Variants in THSD7B observed in about 807,000 individuals in gnomAD.
THSD7B encodes thrombospondin type 1 domain containing 7B, also known as thrombospondin type-1 domain-containing protein 7B.
Under a neutral mutation model 213.6 loss-of-function variants are expected in THSD7B, and 138 were observed. The ratio of observed to expected loss-of-function variants is 0.65; its 90% CI spans 0.56 to 0.74. The LOEUF (loss-of-function observed/expected upper bound fraction) is 0.74, where lower values mean the gene tolerates loss of function less well. Among genes scored for constraint, THSD7B ranks in the 30% least tolerant of loss-of-function variants. The pLI is 0.00. For missense variants in THSD7B, 1,931 were observed against 1,991.5 expected (o/e 0.97, Z 0.58); for synonymous variants, 742 against 687.0 (o/e 1.08, Z -1.25).
chr2:137,462,974 A>G (rs1271908292), intron 15 of THSD7B, among the ~76,000 whole-genome samples: 1 of 152,146 alleles, frequency 6.6e-6, no homozygotes, highest in African/African-American at 2.4e-5. Context: ...AAGGAAAACA[A>G]GTCCATGCAT....
chr2:137,446,580 A>G (rs1687545390), intron 14 of THSD7B, among the ~76,000 whole-genome samples: 2 of 151,966 alleles, frequency 1.3e-5, no homozygotes, highest in Admixed American at 1.3e-4. Flanking sequence ...CAAAATTACA[A>G]AGTTTGGTGT....
At chr2:137,460,761 A>G (rs1687868405) in intron 15 of THSD7B, among the ~76,000 whole-genome samples, 3 of 152,122 alleles carry the variant, frequency 2.0e-5, no homozygotes, top group South Asian at 2.1e-4. Context: ...ACACAACTCT[A>G]TGATTTTTCA....
intron 10 of THSD7B, among the ~76,000 whole-genome samples, chr2:137,249,382 C>A (rs537982763): frequency 8.6e-5 from 13 of 151,846 alleles, no homozygotes; most frequent in Non-Finnish European, 1.8e-4. Flanking sequence ...CAAGGAGGAA[C>A]ACTTACATTA....
intron 17 of THSD7B, among the ~76,000 whole-genome samples, chr2:137,583,215 T>A (rs530858166): frequency 6.6e-6 from 1 of 152,282 alleles, no homozygotes; most frequent in Non-Finnish European, 1.5e-5. Flanking sequence ...TTTGTTTGAG[T>A]TCTTTGTAGA....
At chr2:137,101,448 G>T (rs938829409) in intron 4 of THSD7B, among the ~76,000 whole-genome samples, 3 of 152,162 alleles carry the variant, frequency 2.0e-5, no homozygotes, top group Non-Finnish European at 2.9e-5. Context: ...TTCAAAAATT[G>T]TTTAAGAAGC....
At chr2:137,546,415 T>TATATATTA (rs1558834318) in intron 15 of THSD7B, among the ~76,000 whole-genome samples, 17 of 25,524 alleles carry the variant, frequency 6.7e-4, no homozygotes, top group African/African-American at 4.2e-3. Context: ...TATATATATA[T>TATATATTA]TATATATATT....
At chr2:136,890,303 C>CCTCTTCTTCTTCTTCTTCTT (rs1553455794) in intron 2 of THSD7B, among the ~76,000 whole-genome samples, 1 of 5,162 alleles carries the variant, frequency 1.9e-4, no homozygotes, top group Non-Finnish European at 4.9e-4. Context: ...ATGTCCTACT[C>CCTCTTCTTCTTCTTCTTCTT]CTTCTTCTTC....
At chr2:137,454,850 A>G (rs1449640101) in intron 15 of THSD7B, among the ~76,000 whole-genome samples, 1 of 151,918 alleles carries the variant, frequency 6.6e-6, no homozygotes, top group Non-Finnish European at 1.5e-5. Flanking sequence ...TTACTTTCCT[A>G]TTTTTGGAAC....
chr2:137,656,108 A>G (rs1021828455), intron 22 of THSD7B, among the ~76,000 whole-genome samples: 3 of 152,234 alleles, frequency 2.0e-5, no homozygotes, highest in Non-Finnish European at 4.4e-5. Flanking sequence ...GTGAAGTTCC[A>G]TATAAATGTG....
chr2:137,098,059 T>C (rs1047738713), intron 4 of THSD7B, among the ~76,000 whole-genome samples: 1 of 152,164 alleles, frequency 6.6e-6, no homozygotes, highest in African/African-American at 2.4e-5. Flanking sequence ...TATTAGTGAT[T>C]AAAATTCATT....
At chr2:137,193,632 C>T (rs1306311557) in intron 7 of THSD7B, among the ~76,000 whole-genome samples, 4 of 151,968 alleles carry the variant, frequency 2.6e-5, no homozygotes, top group Admixed American at 6.6e-5. Flanking sequence ...TCCTTTGTCC[C>T]GCCTTGCCAA....
chr2:136,857,206 G>A (rs886231898), intron 1 of THSD7B, among the ~76,000 whole-genome samples: 2 of 152,174 alleles, frequency 1.3e-5, no homozygotes, highest in African/African-American at 4.8e-5. Flanking sequence ...ATGAATTCAT[G>A]AAGTTATATG....
chr2:137,309,057 C>T (rs953733970), intron 12 of THSD7B, among the ~76,000 whole-genome samples: 5 of 152,064 alleles, frequency 3.3e-5, no homozygotes, highest in Non-Finnish European at 5.9e-5. Flanking sequence ...TAAAGTTTTT[C>T]GTAAATATTT....
chr2:137,311,322 A>G (rs1354276621), intron 12 of THSD7B, among the ~76,000 whole-genome samples: 1 of 151,888 alleles, frequency 6.6e-6, no homozygotes, highest in Non-Finnish European at 1.5e-5. Context: ...TTGTTGGTGT[A>G]TAAGAATGCT....
At chr2:137,339,107 C>A (rs1684703588) in intron 12 of THSD7B, among the ~76,000 whole-genome samples, 1 of 151,722 alleles carries the variant, frequency 6.6e-6, no homozygotes. Context: ...ACATTTTTTT[C>A]TGAATAAATA....
intron 7 of THSD7B, among the ~76,000 whole-genome samples, chr2:137,208,685 A>G (rs191496758): frequency 2.6e-5 from 4 of 152,096 alleles, no homozygotes; most frequent in South Asian, 2.1e-4. Flanking sequence ...AGAATGGGGA[A>G]TGTTGACTGG....
At chr2:137,109,302 ACACT>A (rs1209541019) in intron 4 of THSD7B, among the ~76,000 whole-genome samples, 3 of 152,328 alleles carry the variant, frequency 2.0e-5, no homozygotes, top group African/African-American at 4.8e-5. Flanking sequence ...ATTTGGAATA[ACACT>A]CACAATCTAT....
intron 1 of THSD7B, among the ~76,000 whole-genome samples, chr2:136,765,960 C>T (rs1483430925): frequency 6.6e-6 from 1 of 152,220 alleles, no homozygotes. Flanking sequence ...GGACGCCCCA[C>T]GCGGCGACCT....
chr2:136,995,542 G>T (rs1685869029), intron 2 of THSD7B, among the ~76,000 whole-genome samples: 1 of 151,932 alleles, frequency 6.6e-6, no homozygotes, highest in African/African-American at 2.4e-5. Flanking sequence ...GTAGTAAAAA[G>T]AACTAAATTG....
Sources: gnomAD v4.1 joint callset for allele counts (sites outside exome capture counted in the v4.1 genomes callset) on GRCh38, gnomAD v4.1.1 for gene constraint, MANE v1.5 for transcripts, NCBI Gene and HGNC (gene_info 2026-07-23, HGNC 2026-07-21) for gene names.